The following ARL13B variants were observed in gnomAD, a reference collection of about 807,000 sequenced individuals.
ARL13B encodes the protein ARF like GTPase 13B.
A neutral mutation model predicts 56.1 loss-of-function variants in ARL13B; 36 were observed. The ratio of observed to expected loss-of-function variants is 0.64; its 90% CI spans 0.49 to 0.85. The LOEUF is 0.85. Ranked by LOEUF, ARL13B falls within the 40% of genes least tolerant of loss-of-function variation. The pLI is 0.00. For missense variants in ARL13B, 519 were observed against 507.1 expected (o/e 1.02, Z -0.23); for synonymous variants, 178 against 171.1 (o/e 1.04, Z -0.32).
chr3:94,025,372 G>A (rs747555532), intron 3 of ARL13B, among the ~76,000 whole-genome samples: 29 of 152,172 alleles, frequency 1.9e-4, no homozygotes, highest in African/African-American at 6.3e-4. Flanking sequence ...TTATGTAAAC[G>A]ATGTTTAAAG....
At chr3:93,991,474 A>C (rs143276507) in intron 1 of ARL13B, among the ~76,000 whole-genome samples, 238 of 152,270 alleles carry the variant, frequency 1.6e-3, no homozygotes, top group African/African-American at 5.6e-3. Context: ...CAATGGGCTC[A>C]AGTGATCCTC....
intron 5 of ARL13B, among the ~76,000 whole-genome samples, chr3:94,038,110 C>G (rs960529971): frequency 1.3e-5 from 2 of 152,028 alleles, no homozygotes; most frequent in African/African-American, 4.8e-5. Flanking sequence ...TAAAACATGC[C>G]AAGTAAAAAT....
intron 3 of ARL13B, chr3:94,015,302 G>A: frequency 1.1e-5 from 16 of 1,494,214 alleles, no homozygotes; most frequent in Non-Finnish European, 1.4e-5. Context: ...AAAAATTTTT[G>A]TGTTGAACAA....
chr3:94,022,017 G>C (rs1449209802), intron 3 of ARL13B, among the ~76,000 whole-genome samples: 1 of 152,052 alleles, frequency 6.6e-6, no homozygotes, highest in Non-Finnish European at 1.5e-5. Context: ...ATTCCTTAAA[G>C]ACAGTCATAA....
chr3:93,989,985 T>A (rs1014374707), intron 1 of ARL13B, among the ~76,000 whole-genome samples: 25 of 152,022 alleles, frequency 1.6e-4, no homozygotes, highest in African/African-American at 5.8e-4. Flanking sequence ...ACAGTTTGAG[T>A]ATCTCTTTTT....
intron 3 of ARL13B, among the ~76,000 whole-genome samples, chr3:94,032,444 C>T (rs1464205533): frequency 2.6e-5 from 4 of 152,056 alleles, no homozygotes; most frequent in Admixed American, 6.5e-5. Flanking sequence ...AATGTTTATA[C>T]ACTCTTGGAA....
intron 8 of ARL13B, 28 bp downstream of exon 8, chr3:94,049,550 T>C: frequency 7.2e-7 from 1 of 1,397,288 alleles, no homozygotes; most frequent in Non-Finnish European, 1.0e-6. Flanking sequence ...GATACTGAAT[T>C]TAGAAATATT....
intron 2 of ARL13B, among the ~76,000 whole-genome samples, chr3:94,002,373 TA>T (rs1303656349): frequency 6.6e-6 from 1 of 152,168 alleles, no homozygotes; most frequent in Non-Finnish European, 1.5e-5. Flanking sequence ...AGCCACCACA[TA>T]TGGCTTTTGA....
rs1180478606 is a variant in ARL13B at position 94,054,337 on chromosome 3, A to AT, written c.*1076dup. 2.3e-6 allele frequency: 1 copy of AT among 428,740 alleles called. No individual in the cohort carries two copies. The highest frequency in any genetic ancestry group is 2.0e-5 in the African/African-American group (1 of 48,808). The allele number at this position is 428,740 out of a possible 1,614,324, so 26.6% of individuals were successfully genotyped here. A position where few individuals can be genotyped will look rare whatever the true frequency, so the allele number is the denominator to read the frequency against. ...CCAAAATTACTTTTATAAATAAATA[A>AT]TTCCAAAATAATTTCTTAATTTAAA... On this transcript the variant is annotated 3_prime_UTR_variant, in exon 10 of 10. Transcript: ENST00000394222.
chr3:94,032,404 C>G (rs2076691550), intron 3 of ARL13B, among the ~76,000 whole-genome samples: 1 of 152,182 alleles, frequency 6.6e-6, no homozygotes, highest in Non-Finnish European at 1.5e-5. Context: ...TAAAACATAG[C>G]AGATGTCTGC....
At chr3:94,029,061 CCTG>C (rs1249103095) in intron 3 of ARL13B, among the ~76,000 whole-genome samples, 1 of 151,220 alleles carries the variant, frequency 6.6e-6, no homozygotes, top group Non-Finnish European at 1.5e-5. Flanking sequence ...TTTTATTATG[CCTG>C]CTGTTTTTAT....
intron 3 of ARL13B, chr3:94,014,321 A>G: frequency 7.4e-7 from 1 of 1,354,158 alleles, no homozygotes; most frequent in Non-Finnish European, 9.9e-7. Flanking sequence ...GAAAAACAAT[A>G]CAAGACACTG....
intron 3 of ARL13B, 77 bp from the exon 4 acceptor site, chr3:94,035,254 A>T (rs1327400131): frequency 2.1e-5 from 21 of 1,014,606 alleles, no homozygotes; most frequent in Non-Finnish European, 2.8e-5. Context: ...AAAAAAAAAA[A>T]GAATGTGGTC....
intron 1 of ARL13B, among the ~76,000 whole-genome samples, chr3:93,992,403 G>T (rs1270127531): frequency 6.6e-6 from 1 of 151,966 alleles, no homozygotes; most frequent in Non-Finnish European, 1.5e-5. Context: ...TTCCAGAGTG[G>T]GCTCTGTAGC....
chr3:94,036,977 C>T (rs915491178), intron 5 of ARL13B, among the ~76,000 whole-genome samples: 1 of 152,068 alleles, frequency 6.6e-6, no homozygotes, highest in African/African-American at 2.4e-5. Flanking sequence ...CTTACGTAGC[C>T]ATTGTCTTCC....
rs2077119947 is a variant in ARL13B, at chr3:94,054,947, C to T, written c.*1684C>T. On this transcript the variant is annotated 3_prime_UTR_variant, in exon 10 of 10. Coordinates refer to ENST00000394222, the MANE Select transcript of ARL13B (RefSeq NM_001174150.2). ...ACATTTACTTAATTTTAAAACTAAA[C>T]TCATACTTTTGCTATCTTTTTAATA... The T allele has an allele frequency of 1.8e-5, 5 of 277,852 alleles. No individual in the cohort carries two copies. The highest frequency in any genetic ancestry group is 2.8e-5 in the Non-Finnish European group (4 of 141,142). 17.2% of individuals were successfully genotyped at this position (277,852 alleles called of 1,614,324 possible).
chr3:94,054,141 C>T lies in ARL13B; in HGVS notation c.*878C>T, dbSNP rs2077108211. On this transcript the variant is annotated 3_prime_UTR_variant, in exon 10 of 10. Transcript: ENST00000394222. ...AGGTGCTCCCTATACTCCCTTGTTCCATCAGAAGCTGCAGTGACTCTTTTA... is the reference window on the plus strand; with the variant it reads ...AGGTGCTCCCTATACTCCCTTGTTCTATCAGAAGCTGCAGTGACTCTTTTA... The T allele has an allele frequency of 2.2e-6, 1 of 452,994 alleles. No individual in the cohort carries two copies. Among genetic ancestry groups the T allele is most frequent in the African/African-American group, 2.0e-5 (1 of 49,944 alleles). The allele number at this position is 452,994 out of a possible 1,614,324, so 28.1% of individuals were successfully genotyped here.
In ARL13B at chr3:94,043,031, A is replaced by G. The variant is rs1278903625; in HGVS notation, c.815A>G (p.Glu272Gly). Residue 272 changes from glutamate to glycine, a missense_variant, in exon 7 of 10, where the codon GAA (glutamate) becomes GGA (glycine). By Grantham distance (98) the Glu-to-Gly change is moderately conservative. Coordinates refer to ENST00000394222, the MANE Select transcript of ARL13B (RefSeq NM_001174150.2). Reference sequence around the variant, plus strand: ...TTTTGTTAGAATGAAGGAAAACTTGAAAGAGAGAAAAAAAACCAAAAAATG... The same window carrying G: ...TTTTGTTAGAATGAAGGAAAACTTGGAAGAGAGAAAAAAAACCAAAAAATG... Reference protein sequence around the residue: ...SVIIENEGKLEREKKNQKMEK... With the variant: ...SVIIENEGKLGREKKNQKMEK... 6.2e-7 allele frequency: 1 copy of G among 1,609,500 alleles called. No homozygotes were observed. Among genetic ancestry groups the G allele is most frequent in the East Asian group, 2.2e-5 (1 of 44,814 alleles).
intron 1 of ARL13B, among the ~76,000 whole-genome samples, 164 bp downstream of exon 1, chr3:93,980,646 CTTG>C (rs1268337110): frequency 2.0e-5 from 3 of 152,074 alleles, no homozygotes; most frequent in East Asian, 3.9e-4. Context: ...AGGATGTAGC[CTTG>C]TTGTCTGGTC....
Sources: allele counts gnomAD v4.1 joint callset (sites outside exome capture counted in the v4.1 genomes callset), GRCh38; gene constraint gnomAD v4.1.1; transcripts MANE v1.5; gene names NCBI Gene and HGNC (gene_info 2026-07-23, HGNC 2026-07-21).